Variants in MGAT5B observed in about 807,000 individuals in gnomAD.
MGAT5B encodes alpha-1,6-mannosylglycoprotein 6-beta-N-acetylglucosaminyltransferase B.
Under a neutral mutation model 95.1 loss-of-function variants are expected in MGAT5B, and 54 were observed. The ratio of observed to expected loss-of-function variants is 0.57; its 90% CI spans 0.46 to 0.71. The LOEUF (loss-of-function observed/expected upper bound fraction) is 0.71. Among genes scored for constraint, MGAT5B ranks in the 30% least tolerant of loss-of-function variants. The probability of loss-of-function intolerance (pLI) is 0.00; values close to 1 mark genes in which losing one functional copy is unlikely to be tolerated. For missense variants in MGAT5B, 935 were observed against 1,088.6 expected, an observed-to-expected ratio of 0.86 and a Z score of 1.99; for synonymous variants, 464 against 451.0, an observed-to-expected ratio of 1.03 and a Z score of -0.36.
At position 76,925,027 on chromosome 17, in the gene MGAT5B, C is replaced by T. The variant is rs1384765405; in HGVS notation, c.1087C>T (p.Leu363Phe). The change falls in exon 9 of 18, where the codon CTC becomes TTC. Residue 363 changes from leucine (L) to phenylalanine (F), a missense_variant. By Grantham distance (22) the Leu-to-Phe change is conservative. Transcript: ENST00000569840. ...CPLTMPLPFD[L>F]IYTDYHGLQQ... The stretch of plus-strand genomic sequence containing the variant: ...GCTCACCATGCCCCTGCCCTTCGAC[C>T]TCATCTACACCGACTACCACGGCCT... 14 of 1,601,326 alleles carry T rather than the reference C, an allele frequency of 8.7e-6. No individual in the cohort carries two copies. Among genetic ancestry groups the T allele is most frequent in the Non-Finnish European group, 1.2e-5 (14 of 1,174,268 alleles).
intron 1 of MGAT5B, 199 bp from the exon 2 acceptor site, chr17:76,872,652 C>A: frequency 6.8e-7 from 1 of 1,471,716 alleles, no homozygotes; most frequent in African/African-American, 1.4e-5. Flanking sequence ...TCGAGGCCAG[C>A]ATCTTGTAGT....
intron 3 of MGAT5B, among the ~76,000 whole-genome samples, chr17:76,894,965 C>G (rs924925920): frequency 6.6e-6 from 1 of 152,152 alleles, no homozygotes; most frequent in African/African-American, 2.4e-5. Flanking sequence ...CTGTCCCCAA[C>G]CCCCTGGCAT....
chr17:76,902,340 G>A (rs543609472), intron 3 of MGAT5B, among the ~76,000 whole-genome samples: 3 of 152,280 alleles, frequency 2.0e-5, no homozygotes, highest in East Asian at 1.9e-4. Flanking sequence ...GGGCTTTCCC[G>A]TATGTCTGTA....
intron 12 of MGAT5B, among the ~76,000 whole-genome samples, chr17:76,935,412 G>A (rs373364040): frequency 5.5e-4 from 28 of 50,772 alleles, no homozygotes; most frequent in Non-Finnish European, 1.1e-3. Context: ...GTAGAAGTGT[G>A]TTTAACTTTT....
At position 76,940,368 on chromosome 17, in the gene MGAT5B, C is replaced by T. The variant is rs770574349; in HGVS notation, c.1585-34C>T. 24 of 1,541,298 alleles carry T rather than the reference C, an allele frequency of 1.6e-5. No homozygotes were observed. In the South Asian group the frequency reaches 2.8e-4, roughly 18 times the overall value. On this transcript the variant is annotated intron_variant, in intron 13 of 17. Coordinates refer to ENST00000569840, the MANE Select transcript of MGAT5B (RefSeq NM_001199172.2). The surrounding 1 kb of genome is among the most constrained non-coding windows in gnomAD (Gnocchi z 4.3). ...TGCTTACTGGGCTGTGGCGGCCCAG[C>T]CCTCCCTGATCACTGCGCCCCTTGA...
chr17:76,929,418 C>T (rs1969415028), intron 10 of MGAT5B, among the ~76,000 whole-genome samples: 1 of 152,210 alleles, frequency 6.6e-6, no homozygotes. Context: ...ATCCCCTCAT[C>T]TCCTACTCCT....
chr17:76,916,587 C>G lies in MGAT5B; in HGVS notation c.1026-8379C>G, dbSNP rs1426395125. Among the ~76,000 whole-genome samples, 2 of 152,162 alleles carry G rather than the reference C, an allele frequency of 1.3e-5. No individual in the cohort carries two copies. The highest frequency in any genetic ancestry group is 2.9e-5 in the Non-Finnish European group (2 of 68,018). ...GGGATTACAGGCAGATCCCTTGAGT[C>G]TAGGAGTTCAAGACCAACCTGAGCA... On this transcript the variant is annotated intron_variant, in intron 8 of 17. Coordinates refer to ENST00000569840, the MANE Select transcript of MGAT5B (RefSeq NM_001199172.2). This position sits in a 1 kb window ranked among gnomAD's most constrained non-coding sequence, Gnocchi z 5.3.
intron 8 of MGAT5B, among the ~76,000 whole-genome samples, chr17:76,910,309 C>T (rs891324149): frequency 3.3e-5 from 5 of 152,218 alleles, no homozygotes; most frequent in African/African-American, 1.2e-4. Context: ...GAACAGAGAG[C>T]CTGGAATATG....
chr17:76,928,376 C>T (rs889247874), intron 10 of MGAT5B, among the ~76,000 whole-genome samples: 27 of 151,996 alleles, frequency 1.8e-4, no homozygotes, highest in African/African-American at 6.3e-4. Context: ...GGAAAAGCTA[C>T]GAAGTTGAGA....
chr17:76,943,997 A>G (rs1238707449), intron 15 of MGAT5B: 1 of 152,082 alleles, frequency 6.6e-6, no homozygotes, highest in Non-Finnish European at 1.5e-5. Context: ...GTGTCTCTGC[A>G]CCTCCCTGGG....
intron 3 of MGAT5B, 100 bp downstream of exon 3, chr17:76,882,398 A>AAG: frequency 7.1e-7 from 1 of 1,411,452 alleles, no homozygotes; most frequent in Non-Finnish European, 9.5e-7. Flanking sequence ...GAATCTGGAG[A>AAG]AGATTTGGAC....
intron 1 of MGAT5B, chr17:76,872,589 G>C: frequency 7.2e-7 from 1 of 1,387,128 alleles, no homozygotes; most frequent in Non-Finnish European, 9.5e-7. Context: ...GCTAGAGCCC[G>C]CCTGCCTCAT....
rs575045326 is a variant in MGAT5B, at chr17:76,948,483, A to T, written c.2181-157A>T. Among the ~76,000 whole-genome samples, 3 of 152,288 alleles carry T rather than the reference A, an allele frequency of 2.0e-5. No homozygotes were observed. The East Asian group carries it at 5.8e-4, about 29-fold the overall frequency. ...AGGGGTCCCTTGGACAGCAGGTGGG[A>T]TAAAGGAGCCGTAACACATTTCCTT... is the stretch of plus-strand genomic sequence containing the variant. On this transcript the variant is annotated intron_variant, in intron 17 of 17. Coordinates refer to ENST00000569840, the MANE Select transcript of MGAT5B (RefSeq NM_001199172.2).
At chr17:76,942,933 GA>G (rs1215754929) in intron 15 of MGAT5B, among the ~76,000 whole-genome samples, 4 of 152,166 alleles carry the variant, frequency 2.6e-5, no homozygotes, top group Non-Finnish European at 5.9e-5. Context: ...TGGGGAGGGG[GA>G]CTACATAGAC....
chr17:76,949,038 CCCAGGCAGGCTCCGGTT>C lies in MGAT5B; in HGVS notation c.*202_*218del, dbSNP rs139194011. ...GCAGCATGCCGAGCCCCTGGGACCT[CCCAGGCAGGCTCCGGTT>C]CTCTCCTGGGGACTCACAGAAGCAT... On this transcript the variant is annotated 3_prime_UTR_variant, in exon 18 of 18. Transcript: ENST00000569840. 8.7e-3 allele frequency: 5,621 copies of C among 647,874 alleles called. 210 individuals carry two copies. The African/African-American group carries it at 0.091, about 10-fold the overall frequency. 40.1% of individuals were successfully genotyped at this position (647,874 alleles called of 1,614,324 possible). A position where few individuals can be genotyped will look rare whatever the true frequency, so the allele number is the denominator to read the frequency against.
At position 76,932,085 on chromosome 17, in the gene MGAT5B, T is replaced by TCC. The variant is rs34615968; in HGVS notation, c.1292-551_1292-550dup. On this transcript the variant is annotated intron_variant, in intron 10 of 17. Coordinates refer to ENST00000569840, the MANE Select transcript of MGAT5B (RefSeq NM_001199172.2). Reference sequence around the variant, plus strand: ...CCTTTTTTCCTCCTCCTCCTCCTCCTCCCCCCCCCCTTCTTCGTCTTTGTC... The same window carrying TCC: ...CCTTTTTTCCTCCTCCTCCTCCTCCTCCCCCCCCCCCCTTCTTCGTCTTTGTC... Among the ~76,000 whole-genome samples the TCC allele has an allele frequency of 2.1e-3, 260 of 121,944 alleles. 3 individuals carry two copies. Among genetic ancestry groups the TCC allele is most frequent in the South Asian group, 6.0e-3 (19 of 3,146 alleles). 80.0% of individuals were successfully genotyped at this position (121,944 alleles called of 152,430 possible).
chr17:76,902,710 G>A (rs1391232156), intron 4 of MGAT5B, 40 bp downstream of exon 4: 5 of 1,460,800 alleles, frequency 3.4e-6, no homozygotes, highest in Admixed American at 2.0e-5. Flanking sequence ...ACCCCTAGGG[G>A]GCCAATGAAC....
rs745686524 is a variant in MGAT5B, at chr17:76,933,316, G to A, written c.1428+19G>A. 33 of 1,598,036 alleles carry A rather than the reference G, an allele frequency of 2.1e-5. No individual in the cohort carries two copies. The highest frequency in any genetic ancestry group is 8.8e-5 in the South Asian group (8 of 91,042). ...GCTCCAGGTATGGAAACCGCTTGCC[G>A]CCTGCCCCCTCTACCCTCTGCTCCC... On this transcript the variant is annotated intron_variant, in intron 12 of 17. Coordinates refer to ENST00000569840, the MANE Select transcript of MGAT5B (RefSeq NM_001199172.2).
chr17:76,948,008 C>T lies in MGAT5B; in HGVS notation c.2102C>T (p.Thr701Ile). ...AWLAVPGRAC[T>I]DTCLDHGLIC... ...CTGGCCGTGCCTGGGAGGGCCTGCA[C>T]CGACACCTGCCTGGACCACGGGCTA... Residue 701 changes from threonine to isoleucine, a missense_variant, in exon 17 of 18, where the codon ACC becomes ATC. By Grantham distance (89) the Thr-to-Ile change is moderately conservative (BLOSUM62 -1). This residue lies in a region of MGAT5B where 440 missense variants were observed against 523.6 expected (regional missense o/e 0.84). Coordinates refer to ENST00000569840, the MANE Select transcript of MGAT5B (RefSeq NM_001199172.2). 6.2e-7 allele frequency: 1 copy of T among 1,612,888 alleles called. No individual in the cohort carries two copies. Among genetic ancestry groups the T allele is most frequent in the South Asian group, 1.1e-5 (1 of 90,840 alleles).
Sources: gnomAD v4.1 joint callset for allele counts (sites outside exome capture counted in the v4.1 genomes callset) on GRCh38, gnomAD v4.1.1 for gene constraint, gnomAD v4.1.1 regional missense constraint, Gnocchi (gnomAD v3.1) non-coding constraint, MANE v1.5 for transcripts, NCBI Gene and HGNC (gene_info 2026-07-23, HGNC 2026-07-21) for gene names.